Variants in PREP observed in about 807,000 individuals in gnomAD.
The protein encoded by PREP is dJ355L5.1 (prolyl endopeptidase).
Under a neutral mutation model 87.6 loss-of-function variants are expected in PREP, and 29 were observed. The ratio of observed to expected loss-of-function variants is 0.33; its 90% CI spans 0.25 to 0.45. The LOEUF (loss-of-function observed/expected upper bound fraction) is 0.45, where lower values mean the gene tolerates loss of function less well. Among genes scored for constraint, PREP ranks in the 20% least tolerant of loss-of-function variants. The pLI is 1.00. For synonymous variants in PREP, 337 were observed against 328.6 expected (o/e 1.03, Z -0.28); for missense variants, 695 against 886.5 (o/e 0.78, Z 2.74).
intron 7 of PREP, among the ~76,000 whole-genome samples, chr6:105,334,810 G>A (rs185367649): frequency 6.6e-6 from 1 of 152,238 alleles, no homozygotes; most frequent in Admixed American, 6.5e-5. Flanking sequence ...ATAGTTCACT[G>A]CAACCTCCAA....
chr6:105,396,578 G>A (rs1773289361), intron 2 of PREP, among the ~76,000 whole-genome samples: 1 of 152,094 alleles, frequency 6.6e-6, no homozygotes, highest in East Asian at 1.9e-4. Flanking sequence ...CTGAATTCAG[G>A]TCTCCAGAGA....
chr6:105,311,436 C>T (rs1350461846), intron 10 of PREP, among the ~76,000 whole-genome samples: 1 of 152,186 alleles, frequency 6.6e-6, no homozygotes, highest in East Asian at 1.9e-4. Flanking sequence ...TTCTGGGCCG[C>T]CTGTCCCCCA....
In PREP at chr6:105,278,276, G is replaced by T. The variant is rs1769991994; in HGVS notation, c.2001C>A (p.Ser667Arg). The T allele has an allele frequency of 1.9e-6, 3 of 1,614,272 alleles. No homozygotes were observed. The highest frequency in any genetic ancestry group is 2.5e-6 in the Non-Finnish European group (3 of 1,180,054). Reference sequence around the variant, plus strand: ...TGTCCACGTGGATAAGCAGGGGGTTGCTTTGCTTCCTGCTGCGGCCCACGA... The same window carrying T: ...TGTCCACGTGGATAAGCAGGGGGTTTCTTTGCTTCCTGCTGCGGCCCACGA... ...QYIVGRSRKQ[S>R]NPLLIHVDTK... is the part of the protein sequence containing the mutation. Residue 667 changes from serine to arginine, a missense_variant, in exon 15 of 15, where the codon AGC becomes AGA. Coordinates refer to ENST00000652536, the MANE Select transcript of PREP (RefSeq NM_002726.5). The surrounding 1 kb of genome is among the most constrained non-coding windows in gnomAD (Gnocchi z 4.2).
At chr6:105,319,251 T>C in intron 10 of PREP, among the ~76,000 whole-genome samples, 1 of 152,344 alleles carries the variant, frequency 6.6e-6, no homozygotes, top group East Asian at 1.9e-4. Context: ...GTTAACTACT[T>C]ATAAAATCTT....
chr6:105,320,673 C>T (rs765820865), intron 10 of PREP, among the ~76,000 whole-genome samples: 3 of 152,002 alleles, frequency 2.0e-5, no homozygotes, highest in African/African-American at 4.8e-5. Flanking sequence ...ATATGCCTCA[C>T]GGAATGAACA....
At chr6:105,349,657 C>T (rs188806982) in intron 7 of PREP, among the ~76,000 whole-genome samples, 1,959 of 151,904 alleles carry the variant, frequency 0.013, 20 homozygotes, top group Non-Finnish European at 0.021. Flanking sequence ...GCTGATAATT[C>T]CCCCTGGCTT....
At chr6:105,310,367 C>T (rs1237357250) in intron 10 of PREP, among the ~76,000 whole-genome samples, 3 of 152,114 alleles carry the variant, frequency 2.0e-5, no homozygotes, top group South Asian at 2.1e-4. Context: ...GTGATAAGAG[C>T]GTCTATCTCC....
At chr6:105,346,682 C>T (rs567478455) in intron 7 of PREP, among the ~76,000 whole-genome samples, 9 of 152,246 alleles carry the variant, frequency 5.9e-5, no homozygotes, top group East Asian at 3.9e-4. Flanking sequence ...GCTCTAGGCC[C>T]GTTTTAAGGA....
chr6:105,382,269 C>CG (rs1270037462), intron 2 of PREP, among the ~76,000 whole-genome samples: 2 of 95,676 alleles, frequency 2.1e-5, no homozygotes, highest in East Asian at 5.0e-4. Flanking sequence ...TAAGCGTTCT[C>CG]AACACACACA....
chr6:105,323,354 A>C (rs548882491), intron 10 of PREP, among the ~76,000 whole-genome samples: 5 of 152,152 alleles, frequency 3.3e-5, no homozygotes, highest in Non-Finnish European at 4.4e-5. Context: ...GCTAGAACAC[A>C]AACCATATTC....
chr6:105,301,453 A>C (rs964639204), intron 10 of PREP, among the ~76,000 whole-genome samples: 1 of 152,222 alleles, frequency 6.6e-6, no homozygotes, highest in African/African-American at 2.4e-5. Flanking sequence ...TAACATGAGC[A>C]TATGAAGAAC....
intron 6 of PREP, among the ~76,000 whole-genome samples, chr6:105,368,697 A>T (rs1258921755): frequency 6.6e-6 from 1 of 152,218 alleles, no homozygotes. Context: ...TATTACTTTT[A>T]ATATTAAGAG....
intron 10 of PREP, among the ~76,000 whole-genome samples, chr6:105,308,175 AT>A (rs1377438443): frequency 6.6e-6 from 1 of 152,136 alleles, no homozygotes; most frequent in Non-Finnish European, 1.5e-5. Flanking sequence ...GAAAGAAGCT[AT>A]TTTTTAAAAA....
chr6:105,391,792 G>GTGGGGTT (rs1489199448), intron 2 of PREP, among the ~76,000 whole-genome samples: 2 of 152,210 alleles, frequency 1.3e-5, no homozygotes, highest in Admixed American at 1.3e-4. Flanking sequence ...AAGGCAAAGT[G>GTGGGGTT]TGGGGTTTGG....
chr6:105,344,609 T>C (rs899479640), intron 7 of PREP, among the ~76,000 whole-genome samples: 1 of 151,006 alleles, frequency 6.6e-6, no homozygotes, highest in East Asian at 2.0e-4. Flanking sequence ...ATGTTCTCAC[T>C]CATAGGTGGG....
At chr6:105,295,155 TCC>T (rs1770381699) in intron 10 of PREP, among the ~76,000 whole-genome samples, 1 of 68,126 alleles carries the variant, frequency 1.5e-5, no homozygotes, top group African/African-American at 6.2e-5. Flanking sequence ...TCCAATGTTT[TCC>T]TTTTTTTTTT....
chr6:105,333,926 C>G (rs187009892), intron 7 of PREP, among the ~76,000 whole-genome samples: 1 of 152,284 alleles, frequency 6.6e-6, no homozygotes, highest in East Asian at 1.9e-4. Flanking sequence ...CTGAAAATGT[C>G]TGGAGACATT....
chr6:105,364,400 G>T (rs1772330304), intron 6 of PREP, among the ~76,000 whole-genome samples: 1 of 152,230 alleles, frequency 6.6e-6, no homozygotes, highest in South Asian at 2.1e-4. Flanking sequence ...CAGGAAGGCA[G>T]AGGAGGTATC....
chr6:105,362,448 G>A (rs1178861611), intron 6 of PREP, among the ~76,000 whole-genome samples: 3 of 152,182 alleles, frequency 2.0e-5, no homozygotes, highest in Admixed American at 6.5e-5. Context: ...GCGACAGAGC[G>A]AGACTCCATC....
Sources: allele counts gnomAD v4.1 joint callset (sites outside exome capture counted in the v4.1 genomes callset), GRCh38; gene constraint gnomAD v4.1.1; non-coding constraint Gnocchi (gnomAD v3.1); transcripts MANE v1.5; gene names NCBI Gene and HGNC (gene_info 2026-07-23, HGNC 2026-07-21).